The following RBM17 variants were observed in gnomAD, a reference collection of about 807,000 sequenced individuals.
The protein encoded by RBM17 is RNA binding motif protein 17, also known as splicing factor 45.
RBM17 carries 7 observed loss-of-function variants against 53.2 expected under a neutral mutation model. The observed-to-expected ratio is 0.13, with a 90% CI of 0.07 to 0.25. The LOEUF is 0.25. RBM17 is among the 10% of genes least tolerant of loss of function. The probability of loss-of-function intolerance (pLI) is 1.00; values close to 1 mark genes in which losing one functional copy is unlikely to be tolerated. For missense variants in RBM17, 257 were observed against 496.7 expected (o/e 0.52, Z 4.59); for synonymous variants, 167 against 178.1 (o/e 0.94, Z 0.50).
intron 2 of RBM17, among the ~76,000 whole-genome samples, chr10:6,097,904 T>C (rs1840599874): frequency 6.6e-6 from 1 of 152,162 alleles, no homozygotes; most frequent in African/African-American, 2.4e-5. Flanking sequence ...AGCAGCACTT[T>C]GGGAAGAAGC....
At chr10:6,091,816 G>A (rs1307428094) in intron 1 of RBM17, among the ~76,000 whole-genome samples, 1 of 147,930 alleles carries the variant, frequency 6.8e-6, no homozygotes, top group East Asian at 2.1e-4. Context: ...ACTTGCCAAG[G>A]TTGCTGTGAT....
At position 6,097,028 on chromosome 10, in the gene RBM17, C is replaced by T. The variant is rs1251935512; in HGVS notation, c.-18-20C>T. The T allele has an allele frequency of 1.2e-6, 2 of 1,602,308 alleles. No individual in the cohort carries two copies. On this transcript the variant is annotated intron_variant, in intron 1 of 11. Coordinates refer to ENST00000379888, the MANE Select transcript of RBM17 (RefSeq NM_032905.5). Reference sequence around the variant, plus strand: ...TATTGAATTGTGCATTCTTTAATCCCCACCCCTTTTGCCTTTCAGCATTAA... The same window carrying T: ...TATTGAATTGTGCATTCTTTAATCCTCACCCCTTTTGCCTTTCAGCATTAA...
At chr10:6,105,367 C>T (rs987723977) in intron 4 of RBM17, among the ~76,000 whole-genome samples, 1 of 152,106 alleles carries the variant, frequency 6.6e-6, no homozygotes, top group African/African-American at 2.4e-5. Flanking sequence ...AAATTTTTTT[C>T]TATGCTGATA....
chr10:6,096,367 C>T (rs1840574695), intron 1 of RBM17, among the ~76,000 whole-genome samples: 3 of 152,240 alleles, frequency 2.0e-5, no homozygotes, highest in South Asian at 4.1e-4. Context: ...TCATGCTTTG[C>T]GCCTGCTGAC....
rs1373745005 is a variant in RBM17 at position 6,112,999 on chromosome 10, T to C, written c.857-509T>C. 6.0e-6 allele frequency: 1 copy of C among 166,086 alleles called. No homozygotes were observed. The allele number at this position is 166,086 out of a possible 1,614,324, so 10.3% of individuals were successfully genotyped here. On this transcript the variant is annotated intron_variant, in intron 8 of 11. Transcript: ENST00000379888. The surrounding 1 kb of genome is among the most constrained non-coding windows in gnomAD (Gnocchi z 4.4). ...GTCAGCCTAGCTGAACTTCCTTTGC[T>C]AAAGAAAGAAGAAAACTTTTCTGGC...
At chr10:6,096,340 C>T (rs553029597) in intron 1 of RBM17, among the ~76,000 whole-genome samples, 69 of 152,152 alleles carry the variant, frequency 4.5e-4, no homozygotes, top group Middle Eastern at 3.4e-3. Flanking sequence ...GACCTGCTGC[C>T]GATGCTGCAT....
chr10:6,109,405 T>A (rs555933880), intron 6 of RBM17, among the ~76,000 whole-genome samples: 1 of 152,356 alleles, frequency 6.6e-6, no homozygotes, highest in East Asian at 1.9e-4. Flanking sequence ...TATTATGAAA[T>A]ACCTATTATG....
intron 2 of RBM17, among the ~76,000 whole-genome samples, chr10:6,098,326 G>C (rs997167792): frequency 6.6e-6 from 1 of 152,120 alleles, no homozygotes; most frequent in Non-Finnish European, 1.5e-5. Flanking sequence ...TGGGGAGGCA[G>C]TAATTAAAGT....
At position 6,115,256 on chromosome 10, in the gene RBM17, T is replaced by C; in HGVS notation, c.1047T>C (p.Asp349=). ...TCTTCCAGATTCCTGGTGCCCCTGA[T>C]GATGAAGCAGTACGGATATTTTTAG... ...CVIFEIPGAP[D]DEAVRIFLEF... Residue 349 remains aspartate (D), a synonymous_variant, in exon 11 of 12, where the codon GAT becomes GAC. Coordinates refer to ENST00000379888, the MANE Select transcript of RBM17 (RefSeq NM_032905.5). 1.2e-6 allele frequency: 2 copies of C among 1,613,624 alleles called. No individual in the cohort carries two copies. Among genetic ancestry groups the C allele is most frequent in the Non-Finnish European group, 1.7e-6 (2 of 1,179,768 alleles).
chr10:6,104,739 G>A (rs1231530701), intron 3 of RBM17, among the ~76,000 whole-genome samples, 192 bp from the exon 4 acceptor site: 1 of 152,154 alleles, frequency 6.6e-6, no homozygotes, highest in African/African-American at 2.4e-5. Flanking sequence ...GTGAAATTTT[G>A]TGTCCTGTTT....
At chr10:6,100,060 AAG>A (rs1840648939) in intron 2 of RBM17, among the ~76,000 whole-genome samples, 1 of 152,206 alleles carries the variant, frequency 6.6e-6, no homozygotes, top group Admixed American at 6.5e-5. Flanking sequence ...AAAAAAAAGA[AAG>A]AAAGAAAATA....
At position 6,116,598 on chromosome 10, in the gene RBM17, G is replaced by A. The variant is rs1396179213; in HGVS notation, c.*1042G>A. On this transcript the variant is annotated 3_prime_UTR_variant, in exon 12 of 12. Coordinates refer to ENST00000379888, the MANE Select transcript of RBM17 (RefSeq NM_032905.5). ...GGAGGTATTTCCAGAAAATACTCAT[G>A]CCTGTGTTCTGTTCCTTGCTTTCCC... is the stretch of plus-strand genomic sequence containing the variant. 1 of 152,312 alleles carries A rather than the reference G, an allele frequency of 6.6e-6. No homozygotes were observed. The highest frequency in any genetic ancestry group is 2.1e-4 in the South Asian group (1 of 4,830). The allele number at this position is 152,312 out of a possible 1,614,324, so 9.4% of individuals were successfully genotyped here. A position where few individuals can be genotyped will look rare whatever the true frequency, so the allele number is the denominator to read the frequency against.
At chr10:6,103,522 A>G (rs1197551244) in intron 3 of RBM17, among the ~76,000 whole-genome samples, 2 of 152,220 alleles carry the variant, frequency 1.3e-5, no homozygotes, top group South Asian at 4.1e-4. Context: ...TCTCTAAATA[A>G]TAACTGAAAA....
intron 7 of RBM17, among the ~76,000 whole-genome samples, chr10:6,110,825 A>G (rs1379680762): frequency 3.3e-5 from 5 of 152,322 alleles, no homozygotes; most frequent in Non-Finnish European, 5.9e-5. Flanking sequence ...GAAACTCACT[A>G]GTCTCCTTTC....
At chr10:6,093,111 T>C (rs1359394400) in intron 1 of RBM17, among the ~76,000 whole-genome samples, 1 of 152,244 alleles carries the variant, frequency 6.6e-6, no homozygotes, top group Non-Finnish European at 1.5e-5. Context: ...TAGAGAACTC[T>C]TTTCATCAGA....
At chr10:6,101,838 AT>A (rs1326815724) in intron 3 of RBM17, among the ~76,000 whole-genome samples, 1 of 152,104 alleles carries the variant, frequency 6.6e-6, no homozygotes, top group Non-Finnish European at 1.5e-5. Flanking sequence ...GGTTGTTTCT[AT>A]TTTTTGCTAT....
At position 6,110,235 on chromosome 10, in the gene RBM17, G is replaced by A; in HGVS notation, c.704+108G>A. Reference sequence around the variant, plus strand: ...AAACTGAGGACATTCAGGACCCTTGGTGTGTGCAGGTCACACGGTACCTGC... The same window carrying A: ...AAACTGAGGACATTCAGGACCCTTGATGTGTGCAGGTCACACGGTACCTGC... On this transcript the variant is annotated intron_variant, in intron 7 of 11. Coordinates refer to ENST00000379888, the MANE Select transcript of RBM17 (RefSeq NM_032905.5). 3 of 998,738 alleles carry A rather than the reference G, an allele frequency of 3.0e-6. No homozygotes were observed. In the South Asian group the frequency reaches 6.2e-5, roughly 21 times the overall value. 61.9% of individuals were successfully genotyped at this position (998,738 alleles called of 1,614,324 possible). A position where few individuals can be genotyped will look rare whatever the true frequency, so the allele number is the denominator to read the frequency against.
At chr10:6,094,055 A>G (rs1015417910) in intron 1 of RBM17, among the ~76,000 whole-genome samples, 1 of 149,502 alleles carries the variant, frequency 6.7e-6, no homozygotes, top group Non-Finnish European at 1.5e-5. Flanking sequence ...GCTCACCGCA[A>G]GCTCTGCCTT....
At chr10:6,109,859 G>A (rs1840811358) in intron 6 of RBM17, 127 bp from the exon 7 acceptor site, 1 of 715,914 alleles carries the variant, frequency 1.4e-6, no homozygotes, top group Non-Finnish European at 2.1e-6. Flanking sequence ...TTGATTTGGT[G>A]TTTTTCTCTC....
Sources: gnomAD v4.1 joint callset for allele counts (sites outside exome capture counted in the v4.1 genomes callset) on GRCh38, gnomAD v4.1.1 for gene constraint, Gnocchi (gnomAD v3.1) non-coding constraint, MANE v1.5 for transcripts, NCBI Gene and HGNC (gene_info 2026-07-23, HGNC 2026-07-21) for gene names.